Variants in RABEPK observed in about 807,000 individuals in gnomAD.
RABEPK encodes the protein Rab9 effector protein with kelch motifs, also known as 40 kDa Rab9 effector protein.
A neutral mutation model predicts 34.1 loss-of-function variants in RABEPK; 27 were observed. The ratio of observed to expected loss-of-function variants is 0.79; its 90% CI spans 0.58 to 1.09. The LOEUF is 1.09. Among genes scored for constraint, RABEPK ranks in the 50% least tolerant of loss-of-function variants. RABEPK has a pLI of 0.00. For missense variants in RABEPK, 449 were observed against 462.6 expected, an observed-to-expected ratio of 0.97 and a Z score of 0.27; for synonymous variants, 172 against 169.2, an observed-to-expected ratio of 1.02 and a Z score of -0.13.
chr9:125,207,381 C>T (rs564640106), intron 2 of RABEPK, among the ~76,000 whole-genome samples, 183 bp from the exon 3 acceptor site: 3 of 152,116 alleles, frequency 2.0e-5, no homozygotes, highest in Non-Finnish European at 4.4e-5. Context: ...AATTGAAAAG[C>T]CAAAGACTGT....
Position 125,233,833 on chromosome 9 carries a change from GAA to G in RABEPK, c.974_975del (p.Lys325ArgfsTer5), listed in dbSNP as rs1484381122. 1.2e-6 allele frequency: 2 copies of G among 1,614,070 alleles called. No homozygotes were observed. Among genetic ancestry groups the G allele is most frequent in the African/African-American group, 2.7e-5 (2 of 74,946 alleles). The stretch of plus-strand genomic sequence containing the variant: ...CTCTCACTCTGAACCATGAAGCTGA[GAA>G]AGAGGATTCAGCTGACAAAGTAATG... ...NSLTLNHEAEKEDSADKVMSH... is the reference protein window; with the variant it reads ...NSLTLNHEAEXEDSADKVMSH... On this transcript the variant is annotated frameshift_variant, in exon 8 of 8. Coordinates refer to ENST00000373538, the MANE Select transcript of RABEPK (RefSeq NM_005833.4). LOFTEE classifies it high-confidence loss of function.
intron 2 of RABEPK, among the ~76,000 whole-genome samples, chr9:125,204,093 G>T (rs928591410): frequency 3.3e-5 from 5 of 151,270 alleles, no homozygotes; most frequent in African/African-American, 1.2e-4. Flanking sequence ...CCAGCACTTT[G>T]GGAGGCCGAG....
chr9:125,231,782 GAAT>G (rs1270090548), intron 6 of RABEPK, among the ~76,000 whole-genome samples: 1 of 151,190 alleles, frequency 6.6e-6, no homozygotes, highest in Non-Finnish European at 1.5e-5. Context: ...GAAAAAAAAA[GAAT>G]AAGAAAGGGG....
In RABEPK at chr9:125,232,627, T is replaced by A. The variant is rs1832279136; in HGVS notation, c.708T>A (p.Thr236=). 1 of 1,613,776 alleles carries A rather than the reference T, an allele frequency of 6.2e-7. No homozygotes were observed. The highest frequency in any genetic ancestry group is 1.7e-5 in the Admixed American group (1 of 59,944). The change falls in exon 7 of 8, where the codon ACT becomes ACA. Residue 236 remains threonine (T), a synonymous_variant. Transcript: ENST00000373538. Reference sequence around the variant, plus strand: ...TGAAATGGCAGAAGCTAAATCCCACTGGGGCTGCTCCAGCAGGCTGTGCTG... The same window carrying A: ...TGAAATGGCAGAAGCTAAATCCCACAGGGGCTGCTCCAGCAGGCTGTGCTG... ...SDMKWQKLNP[T]GAAPAGCAAH...
chr9:125,207,607 G>T lies in RABEPK; in HGVS notation c.97G>T (p.Gly33Cys). Residue 33 changes from glycine (G) to cysteine (C), a missense_variant, in exon 3 of 8, where the codon GGC (glycine) becomes TGC (cysteine). Transcript: ENST00000373538. Reference protein sequence around the residue: ...VPGDSPCARVGHSCSYLPPVG... With the variant: ...VPGDSPCARVCHSCSYLPPVG... Reference sequence around the variant, plus strand: ...TGGAGACAGCCCCTGTGCTCGAGTTGGCCACAGCTGTTCATATTTACCCCC... The same window carrying T: ...TGGAGACAGCCCCTGTGCTCGAGTTTGCCACAGCTGTTCATATTTACCCCC... 6.2e-7 allele frequency: 1 copy of T among 1,614,062 alleles called. No homozygotes were observed.
chr9:125,210,942 ATTC>A, intron 3 of RABEPK, among the ~76,000 whole-genome samples: 1 of 145,096 alleles, frequency 6.9e-6, no homozygotes, highest in Middle Eastern at 3.8e-3. Flanking sequence ...GGTTAAAGTG[ATTC>A]TCCTGGGCCG....
chr9:125,213,722 C>T (rs1386316754), intron 4 of RABEPK, among the ~76,000 whole-genome samples, 200 bp downstream of exon 4: 1 of 152,150 alleles, frequency 6.6e-6, no homozygotes, highest in East Asian at 1.9e-4. Flanking sequence ...TTGTTGGTAA[C>T]ACATACAATT....
chr9:125,220,112 C>G (rs1192956512), intron 4 of RABEPK, among the ~76,000 whole-genome samples: 1 of 152,022 alleles, frequency 6.6e-6, no homozygotes, highest in Non-Finnish European at 1.5e-5. Context: ...GATTCTCCTG[C>G]CTCAACCTCC....
chr9:125,220,225 C>T (rs558738848), intron 4 of RABEPK: 1 of 1,107,538 alleles, frequency 9.0e-7, no homozygotes, highest in African/African-American at 1.6e-5. Flanking sequence ...TGGTTTCGAA[C>T]TCCTGACCTC....
intron 5 of RABEPK, among the ~76,000 whole-genome samples, chr9:125,225,808 A>G (rs1831693190): frequency 1.3e-5 from 2 of 151,972 alleles, no homozygotes; most frequent in South Asian, 4.2e-4. Flanking sequence ...AAAAACATAC[A>G]AAAAATTAGC....
Position 125,214,827 on chromosome 9 carries a change from G to T in RABEPK, c.364+1305G>T, listed in dbSNP as rs1348340648. 3.2e-4 allele frequency among the ~76,000 whole-genome samples: 35 copies of T among 110,058 alleles called. 1 individual carries two copies. Among genetic ancestry groups the T allele is most frequent in the African/African-American group, 1.8e-4 (5 of 27,434 alleles). 72.2% of individuals were successfully genotyped at this position (110,058 alleles called of 152,430 possible). A position where few individuals can be genotyped will look rare whatever the true frequency, so the allele number is the denominator to read the frequency against. On this transcript the variant is annotated intron_variant, in intron 4 of 7. Transcript: ENST00000373538. ...TTTTTTGTGACGGAGTTTCACTCTT[G>T]TTGCACAGGCTGGAGTGCAGTGGTG...
chr9:125,202,261 C>T (rs1256620711), intron 1 of RABEPK, among the ~76,000 whole-genome samples: 3 of 151,602 alleles, frequency 2.0e-5, no homozygotes, highest in Non-Finnish European at 4.4e-5. Context: ...TGGCTCATGC[C>T]TGTAATCCCA....
intron 1 of RABEPK, among the ~76,000 whole-genome samples, chr9:125,201,735 T>A (rs1314442502): frequency 6.6e-6 from 1 of 151,924 alleles, no homozygotes; most frequent in African/African-American, 2.4e-5. Context: ...CGCCTCAGCC[T>A]CCTGAGTAGC....
At chr9:125,233,559 G>T in intron 7 of RABEPK, 129 bp from the exon 8 acceptor site, 6 of 911,040 alleles carry the variant, frequency 6.6e-6, no homozygotes, top group Non-Finnish European at 1.0e-5. Context: ...AGCCAGGATG[G>T]TCTCCATCTC....
In RABEPK at chr9:125,227,991, C is replaced by G. The variant is rs1188315113; in HGVS notation, c.608C>G (p.Thr203Arg). 5 of 1,607,586 alleles carry G rather than the reference C, an allele frequency of 3.1e-6. No individual in the cohort carries two copies. The highest frequency in any genetic ancestry group is 8.5e-7 in the Non-Finnish European group (1 of 1,176,412). ...RHGHVMVAAGTKLFIHGGLAG... is the reference protein window; with the variant it reads ...RHGHVMVAAGRKLFIHGGLAG... ...GGTCATGTGATGGTGGCAGCAGGGA[C>G]AAAGCTCTTCATCCACGGAGGCTTG... Residue 203 changes from threonine (T) to arginine (R), a missense_variant, in exon 6 of 8, where the codon ACA becomes AGA. By Grantham distance (71) the Thr-to-Arg change is moderately conservative. Transcript: ENST00000373538.
intron 7 of RABEPK, among the ~76,000 whole-genome samples, chr9:125,233,329 GTTTT>G (rs1233648822): frequency 1.2e-5 from 1 of 81,888 alleles, no homozygotes; most frequent in Non-Finnish European, 2.2e-5. Context: ...TCTGGAAATT[GTTTT>G]TTTTTTTTTT....
intron 4 of RABEPK, among the ~76,000 whole-genome samples, chr9:125,219,136 A>G (rs1371215101): frequency 6.7e-6 from 1 of 148,182 alleles, no homozygotes; most frequent in Admixed American, 6.8e-5. Flanking sequence ...TTTAGTAGGG[A>G]CTGTTATTAC....
At chr9:125,220,774 A>T in intron 5 of RABEPK, 74 bp downstream of exon 5, 1 of 1,472,436 alleles carries the variant, frequency 6.8e-7, no homozygotes, top group Non-Finnish European at 9.1e-7. Flanking sequence ...AGGAAGCAGA[A>T]GTTAGAAAAG....
chr9:125,211,429 C>T (rs1037012002), intron 3 of RABEPK, among the ~76,000 whole-genome samples: 1 of 151,810 alleles, frequency 6.6e-6, no homozygotes. Context: ...GGATTACATG[C>T]GTGAGCCACC....
Sources: allele counts gnomAD v4.1 joint callset (sites outside exome capture counted in the v4.1 genomes callset), GRCh38; gene constraint gnomAD v4.1.1; transcripts MANE v1.5; gene names NCBI Gene and HGNC (gene_info 2026-07-23, HGNC 2026-07-21).